Variants in TTC28 observed in about 807,000 individuals in gnomAD.
The protein encoded by TTC28 is tetratricopeptide repeat domain 28.
Under a neutral mutation model 198.0 loss-of-function variants are expected in TTC28, and 61 were observed. The ratio of observed to expected loss-of-function variants is 0.31; its 90% CI spans 0.25 to 0.38. The LOEUF is 0.38. Among genes scored for constraint, TTC28 ranks in the 10% least tolerant of loss-of-function variants. TTC28 has a pLI of 1.00. For synonymous variants in TTC28, 1,171 were observed against 1,297.8 expected, an observed-to-expected ratio of 0.90 and a Z score of 2.10; for missense variants, 2,678 against 3,164.0, an observed-to-expected ratio of 0.85 and a Z score of 3.69.
At chr22:28,224,358 T>A (rs550939457) in intron 5 of TTC28, among the ~76,000 whole-genome samples, 2 of 152,172 alleles carry the variant, frequency 1.3e-5, no homozygotes, top group Non-Finnish European at 2.9e-5. Flanking sequence ...GCACATGTAG[T>A]ATGCAATGTG....
chr22:28,411,734 A>G (rs1651028624), intron 2 of TTC28, among the ~76,000 whole-genome samples: 3 of 152,236 alleles, frequency 2.0e-5, no homozygotes, highest in African/African-American at 7.2e-5. Flanking sequence ...TCCAACCACT[A>G]TATACCTAGC....
intron 13 of TTC28, among the ~76,000 whole-genome samples, chr22:28,026,426 T>C (rs1429533096): frequency 6.6e-6 from 1 of 152,172 alleles, no homozygotes; most frequent in Non-Finnish European, 1.5e-5. Context: ...GTGGGCACGC[T>C]GAGCACTGTG....
At chr22:28,038,167 T>A (rs1474967047) in intron 12 of TTC28, among the ~76,000 whole-genome samples, 7 of 152,096 alleles carry the variant, frequency 4.6e-5, no homozygotes, top group East Asian at 1.9e-4. Context: ...GGAGAAAACT[T>A]CTTTAAAGTT....
At chr22:28,430,554 T>C (rs1426119048) in intron 2 of TTC28, among the ~76,000 whole-genome samples, 1 of 152,132 alleles carries the variant, frequency 6.6e-6, no homozygotes, top group East Asian at 1.9e-4. Flanking sequence ...CATTCAAAGA[T>C]AAACTAGTCA....
chr22:27,982,321 C>G lies in TTC28; in HGVS notation c.7346G>C (p.Gly2449Ala). The change falls in exon 23 of 23, where the codon GGC becomes GCC. Residue 2449 changes from glycine (G) to alanine (A), a missense_variant. Transcript: ENST00000397906. The surrounding 1 kb of genome is among the most constrained non-coding windows in gnomAD (Gnocchi z 5.2). ...GCGCGCGGGGGCTGTGGCGGGAGGG[C>G]CGGCGGGCAGCGGCAGTGAGCCCAG... is the stretch of plus-strand genomic sequence containing the variant. ...TSLGSLPLPAGPPATAPARPL... is the reference protein window; with the variant it reads ...TSLGSLPLPAAPPATAPARPL... The G allele has an allele frequency of 6.5e-7, 1 of 1,527,086 alleles. No homozygotes were observed. The highest frequency in any genetic ancestry group is 2.1e-5 in the Admixed American group (1 of 48,780). The allele number at this position is 1,527,086 out of a possible 1,614,324, so 94.6% of individuals were successfully genotyped here. A position where few individuals can be genotyped will look rare whatever the true frequency, so the allele number is the denominator to read the frequency against.
At chr22:28,530,188 G>A (rs1208673357) in intron 2 of TTC28, among the ~76,000 whole-genome samples, 1 of 152,126 alleles carries the variant, frequency 6.6e-6, no homozygotes, top group African/African-American at 2.4e-5. Flanking sequence ...TGGCTAACTA[G>A]AATAAACAGC....
At chr22:28,350,700 A>G (rs1262221076) in intron 2 of TTC28, among the ~76,000 whole-genome samples, 1 of 152,198 alleles carries the variant, frequency 6.6e-6, no homozygotes, top group African/African-American at 2.4e-5. Context: ...CCATCACGAC[A>G]ATGCAATCAG....
At chr22:28,401,521 C>T (rs5762599) in intron 2 of TTC28, among the ~76,000 whole-genome samples, 65 of 151,988 alleles carry the variant, frequency 4.3e-4, no homozygotes, top group African/African-American at 1.4e-3. Context: ...GAGGCTGAGG[C>T]GAAAAATCAC....
chr22:28,043,678 A>G (rs1939753783), intron 12 of TTC28, among the ~76,000 whole-genome samples: 1 of 152,168 alleles, frequency 6.6e-6, no homozygotes, highest in South Asian at 2.1e-4. Context: ...CCTCACCCAT[A>G]TAACCTTATT....
intron 2 of TTC28, among the ~76,000 whole-genome samples, chr22:28,590,034 C>CAAAAAAAAAAAAAAAAAAAAAAAAAAAAA (rs71194779): frequency 5.9e-5 from 4 of 68,054 alleles, no homozygotes; most frequent in African/African-American, 2.1e-4. Flanking sequence ...AAGACTCCAT[C>CAAAAAAAAAAAAAAAAAAAAAAAAAAAAA]AAAAAAAAAA....
At chr22:28,526,348 G>A (rs145987280) in intron 2 of TTC28, among the ~76,000 whole-genome samples, 8 of 151,998 alleles carry the variant, frequency 5.3e-5, no homozygotes, top group Non-Finnish European at 1.2e-4. Flanking sequence ...TTCCCATAAT[G>A]GTACAGTAGC....
At chr22:28,424,230 A>C (rs1207095464) in intron 2 of TTC28, among the ~76,000 whole-genome samples, 3 of 152,170 alleles carry the variant, frequency 2.0e-5, no homozygotes, top group African/African-American at 7.2e-5. Context: ...TCCCACAATA[A>C]ACAAACAAAT....
intron 2 of TTC28, among the ~76,000 whole-genome samples, chr22:28,407,413 C>T (rs2047014192): frequency 6.6e-6 from 1 of 152,082 alleles, no homozygotes; most frequent in African/African-American, 2.4e-5. Flanking sequence ...TGCCCAGGTT[C>T]CCAGGTTCGG....
intron 6 of TTC28, among the ~76,000 whole-genome samples, chr22:28,143,903 G>C (rs1943400214): frequency 6.6e-6 from 1 of 152,186 alleles, no homozygotes; most frequent in Non-Finnish European, 1.5e-5. Context: ...ACCTGTTTAA[G>C]TCAGGAATCT....
intron 2 of TTC28, among the ~76,000 whole-genome samples, chr22:28,532,515 C>A (rs748619462): frequency 7.9e-5 from 12 of 152,186 alleles, no homozygotes; most frequent in Admixed American, 3.9e-4. Flanking sequence ...TGAAACTATT[C>A]CAATCAAAAG....
chr22:28,368,096 C>A lies in TTC28; in HGVS notation c.382-61453G>T, dbSNP rs190236962. Among the ~76,000 whole-genome samples the A allele has an allele frequency of 7.2e-5, 11 of 152,010 alleles. No individual in the cohort carries two copies. The East Asian group carries it at 1.9e-3, about 27-fold the overall frequency. On this transcript the variant is annotated intron_variant, in intron 2 of 22. Transcript: ENST00000397906. ...TACCCTGATTCCAAAACCAAAGACA[C>A]ATCAAAAAAGGAAAACTACAGGCCA...
At chr22:28,346,840 C>T (rs2045909875) in intron 2 of TTC28, among the ~76,000 whole-genome samples, 1 of 152,110 alleles carries the variant, frequency 6.6e-6, no homozygotes, top group Non-Finnish European at 1.5e-5. Flanking sequence ...AAGCACATTG[C>T]ATTGCACAGT....
intron 2 of TTC28, among the ~76,000 whole-genome samples, chr22:28,536,727 C>T (rs1277524891): frequency 6.6e-6 from 1 of 152,200 alleles, no homozygotes; most frequent in Admixed American, 6.5e-5. Context: ...GGTGTCAATT[C>T]TCTGATCTAT....
At chr22:28,567,892 GA>G (rs1177691796) in intron 2 of TTC28, among the ~76,000 whole-genome samples, 2 of 151,972 alleles carry the variant, frequency 1.3e-5, no homozygotes, top group Non-Finnish European at 1.5e-5. Flanking sequence ...AACCCAATCA[GA>G]AAAGGTGTCA....
Sources: allele counts gnomAD v4.1 joint callset (sites outside exome capture counted in the v4.1 genomes callset), GRCh38; gene constraint gnomAD v4.1.1; non-coding constraint Gnocchi (gnomAD v3.1); transcripts MANE v1.5; gene names NCBI Gene and HGNC (gene_info 2026-07-23, HGNC 2026-07-21).